NRCAM: variants seen among roughly 807,000 people sequenced by gnomAD.
NRCAM encodes the protein neuronal cell adhesion molecule.
NRCAM carries 83 observed loss-of-function variants against 156.5 expected under a neutral mutation model. The ratio of observed to expected loss-of-function variants is 0.53; its 90% CI spans 0.44 to 0.64. The LOEUF is 0.64. NRCAM is among the 30% of genes least tolerant of loss of function. The pLI is 0.00. For missense variants in NRCAM, 1,417 were observed against 1,597.3 expected, an observed-to-expected ratio of 0.89 and a Z score of 1.92; for synonymous variants, 538 against 563.9, an observed-to-expected ratio of 0.95 and a Z score of 0.65.
chr7:108,313,269 G>C (rs913343572), intron 2 of NRCAM: 1 of 152,080 alleles, frequency 6.6e-6, no homozygotes. Context: ...CTCTCCTCTC[G>C]TCAGCCTCAA....
At chr7:108,235,698 T>C (rs890050965) in intron 5 of NRCAM, among the ~76,000 whole-genome samples, 1 of 152,094 alleles carries the variant, frequency 6.6e-6, no homozygotes, top group African/African-American at 2.4e-5. Context: ...TGGCCATATC[T>C]GGAGGCCATT....
chr7:108,272,408 G>C lies in NRCAM; in HGVS notation c.-106-32238C>G, dbSNP rs548283466. ...CACTCCTAAAGTAGGGGTTAGTGCA[G>C]GCTCACCATCATTTATCCAAAAGCT... On this transcript the variant is annotated intron_variant, in intron 3 of 32. Transcript: ENST00000379028. 1.1e-3 allele frequency among the ~76,000 whole-genome samples: 168 copies of C among 152,240 alleles called. 1 individual carries two copies. The highest frequency in any genetic ancestry group is 3.4e-3 in the Middle Eastern group (1 of 294).
chr7:108,361,073 A>G (rs2099547162), intron 2 of NRCAM, among the ~76,000 whole-genome samples: 1 of 152,208 alleles, frequency 6.6e-6, no homozygotes, highest in Non-Finnish European at 1.5e-5. Flanking sequence ...TATATGGGGC[A>G]AAATATATGA....
Position 108,194,047 on chromosome 7 carries a change from G to C in NRCAM, c.1755C>G (p.Asn585Lys), listed in dbSNP as rs762431743. The change falls in exon 17 of 33, where the codon AAC becomes AAG. Residue 585 changes from asparagine (N) to lysine (K), a missense_variant. Physicochemically the swap from Asn to Lys is moderately conservative, Grantham distance 94 (BLOSUM62 0). This residue lies in a region of NRCAM where 1,238 missense variants were observed against 1,336.4 expected (regional missense o/e 0.93). Transcript: ENST00000379028. ...LSLTVLWLKD[N>K]RELPSDERFT... ...ACCTTTCATCACTGGGCAGTTCCCTGTTGTCCTTCAGCCACAGGACAGTGA... is the reference window on the plus strand; with the variant it reads ...ACCTTTCATCACTGGGCAGTTCCCTCTTGTCCTTCAGCCACAGGACAGTGA... 6.2e-7 allele frequency: 1 copy of C among 1,614,060 alleles called. No individual in the cohort carries two copies. Among genetic ancestry groups the C allele is most frequent in the African/African-American group, 1.3e-5 (1 of 75,058 alleles).
At chr7:108,316,173 G>C (rs1175025669) in intron 2 of NRCAM, among the ~76,000 whole-genome samples, 7 of 152,160 alleles carry the variant, frequency 4.6e-5, no homozygotes, top group Non-Finnish European at 1.0e-4. Flanking sequence ...AATATTGTGG[G>C]AGTAGGTTTG....
At chr7:108,215,774 C>T (rs1436516047) in intron 11 of NRCAM, among the ~76,000 whole-genome samples, 1 of 147,204 alleles carries the variant, frequency 6.8e-6, no homozygotes, top group East Asian at 2.0e-4. Flanking sequence ...GTAAATATTC[C>T]TCCATCCCTT....
At chr7:108,302,561 T>C (rs896459557) in intron 3 of NRCAM, among the ~76,000 whole-genome samples, 5 of 152,142 alleles carry the variant, frequency 3.3e-5, no homozygotes. Flanking sequence ...GGAACTAAAG[T>C]TCTTGGTAAA....
intron 28 of NRCAM, among the ~76,000 whole-genome samples, chr7:108,174,442 G>A (rs2152175804): frequency 6.6e-6 from 1 of 152,270 alleles, no homozygotes; most frequent in Middle Eastern, 3.4e-3. Context: ...CACCTGATGT[G>A]CGAAAGCCCC....
chr7:108,372,865 T>A (rs1461887541), intron 2 of NRCAM, among the ~76,000 whole-genome samples: 2 of 152,152 alleles, frequency 1.3e-5, no homozygotes, highest in Non-Finnish European at 2.9e-5. Flanking sequence ...CCCAGAAGAA[T>A]TGAAATCAAC....
chr7:108,370,970 C>G (rs2099624766), intron 2 of NRCAM, among the ~76,000 whole-genome samples: 1 of 152,136 alleles, frequency 6.6e-6, no homozygotes, highest in African/African-American at 2.4e-5. Flanking sequence ...TCCACCAGAA[C>G]TGGATTTCTT....
At chr7:108,418,557 TTA>T (rs1418152249) in intron 1 of NRCAM, among the ~76,000 whole-genome samples, 2 of 106,428 alleles carry the variant, frequency 1.9e-5, no homozygotes, top group Non-Finnish European at 3.7e-5. Flanking sequence ...GGTATACATA[TTA>T]TACACACACA....
At chr7:108,168,233 T>C (rs1419474560) in intron 29 of NRCAM, 44 bp downstream of exon 29, 5 of 1,470,274 alleles carry the variant, frequency 3.4e-6, no homozygotes, top group Non-Finnish European at 3.6e-6. Context: ...TTTTAAAAAA[T>C]GCATCCCCCA....
At chr7:108,248,267 T>TA (rs1426542855) in intron 3 of NRCAM, among the ~76,000 whole-genome samples, 1 of 152,116 alleles carries the variant, frequency 6.6e-6, no homozygotes, top group Non-Finnish European at 1.5e-5. Context: ...CATTTAATAG[T>TA]AAAAAATAGC....
At chr7:108,414,042 C>T (rs375677332) in intron 1 of NRCAM, among the ~76,000 whole-genome samples, 2 of 152,226 alleles carry the variant, frequency 1.3e-5, no homozygotes, top group African/African-American at 4.8e-5. Flanking sequence ...TACATTCCAA[C>T]GAAGCACCCT....
In NRCAM at chr7:108,364,400, C is replaced by T. The variant is rs185380000; in HGVS notation, c.-174+35036G>A. On this transcript the variant is annotated intron_variant, in intron 2 of 32. Coordinates refer to ENST00000379028, the MANE Select transcript of NRCAM (RefSeq NM_001037132.4). ...GAGAAAATGAAACCCTCATACATTG[C>T]TAATGGGACTGTAAAATGGTATAGG... is the stretch of plus-strand genomic sequence containing the variant. Among the ~76,000 whole-genome samples, 4 of 152,232 alleles carry T rather than the reference C, an allele frequency of 2.6e-5. No individual in the cohort carries two copies. In the East Asian group the frequency reaches 7.7e-4, roughly 29 times the overall value.
At chr7:108,298,893 G>T (rs1227577232) in intron 3 of NRCAM, among the ~76,000 whole-genome samples, 6 of 150,726 alleles carry the variant, frequency 4.0e-5, no homozygotes, top group African/African-American at 7.3e-5. Flanking sequence ...ATCACCTGAG[G>T]TCAGGAGTTC....
intron 2 of NRCAM, among the ~76,000 whole-genome samples, chr7:108,323,107 G>GT (rs2099022002): frequency 6.6e-6 from 1 of 152,130 alleles, no homozygotes; most frequent in South Asian, 2.1e-4. Flanking sequence ...GAATTCAGGG[G>GT]TTTTAGTCAG....
At chr7:108,380,757 A>G (rs576676789) in intron 2 of NRCAM, among the ~76,000 whole-genome samples, 1 of 152,260 alleles carries the variant, frequency 6.6e-6, no homozygotes, top group South Asian at 2.1e-4. Flanking sequence ...CTGCAGCCTC[A>G]GCTTCCTGGG....
intron 2 of NRCAM, among the ~76,000 whole-genome samples, chr7:108,358,658 T>A (rs1170657273): frequency 6.6e-6 from 1 of 152,180 alleles, no homozygotes; most frequent in Non-Finnish European, 1.5e-5. Context: ...AATAACTGCA[T>A]AACTGCTGGC....
Sources: allele counts gnomAD v4.1 joint callset (sites outside exome capture counted in the v4.1 genomes callset), GRCh38; gene constraint gnomAD v4.1.1; regional missense constraint gnomAD v4.1.1; transcripts MANE v1.5; gene names NCBI Gene and HGNC (gene_info 2026-07-23, HGNC 2026-07-21).